The following CTNND2 variants were observed in gnomAD, a reference collection of about 807,000 sequenced individuals.
CTNND2 encodes catenin delta 2, also known as catenin delta-2.
A neutral mutation model predicts 144.4 loss-of-function variants in CTNND2; 22 were observed. The ratio of observed to expected loss-of-function variants is 0.15; its 90% CI spans 0.11 to 0.22. The LOEUF is 0.22. Among genes scored for constraint, CTNND2 ranks in the 10% least tolerant of loss-of-function variants. The pLI is 1.00. For synonymous variants in CTNND2, 751 were observed against 695.6 expected, an observed-to-expected ratio of 1.08 and a Z score of -1.25; for missense variants, 1,353 against 1,618.8, an observed-to-expected ratio of 0.84 and a Z score of 2.82.
At chr5:11,298,239 C>T (rs2521739) in intron 9 of CTNND2, among the ~76,000 whole-genome samples, 73,693 of 151,962 alleles carry the variant, frequency 0.48, 18,201 homozygotes, top group African/African-American at 0.55. Context: ...GGCACAATCA[C>T]AGCTCACTGC....
At chr5:11,829,242 C>T (rs953629849) in intron 1 of CTNND2, among the ~76,000 whole-genome samples, 2 of 152,168 alleles carry the variant, frequency 1.3e-5, no homozygotes, top group African/African-American at 2.4e-5. Flanking sequence ...GAAAAGAAAT[C>T]CAAGCTTCTG....
At chr5:11,738,426 T>G (rs550153622) in intron 1 of CTNND2, among the ~76,000 whole-genome samples, 52 of 152,314 alleles carry the variant, frequency 3.4e-4, no homozygotes, top group Non-Finnish European at 5.9e-4. Context: ...TCCAAATGAA[T>G]AGTCTAAACT....
chr5:11,039,932 C>T (rs533768310), intron 16 of CTNND2, among the ~76,000 whole-genome samples: 9 of 152,122 alleles, frequency 5.9e-5, no homozygotes, highest in Admixed American at 3.3e-4. Flanking sequence ...CATGGTGACA[C>T]GTGCCTGTAG....
chr5:11,378,102 G>T (rs985246239), intron 7 of CTNND2, among the ~76,000 whole-genome samples: 6 of 152,156 alleles, frequency 3.9e-5, no homozygotes, highest in African/African-American at 1.4e-4. Flanking sequence ...CTATAACATG[G>T]GGTCCTGGAA....
chr5:11,238,484 C>G (rs1284386376), intron 9 of CTNND2, among the ~76,000 whole-genome samples: 2 of 152,186 alleles, frequency 1.3e-5, no homozygotes, highest in Non-Finnish European at 2.9e-5. Flanking sequence ...ATTTTAACCT[C>G]TTCTCTTTAT....
intron 1 of CTNND2, among the ~76,000 whole-genome samples, chr5:11,735,335 C>T (rs1160039883): frequency 6.6e-6 from 1 of 151,996 alleles, no homozygotes; most frequent in African/African-American, 2.4e-5. Context: ...AATGTTGTGC[C>T]CAGATAAAGA....
intron 2 of CTNND2, among the ~76,000 whole-genome samples, chr5:11,645,147 C>A (rs1782280650): frequency 6.6e-6 from 1 of 151,830 alleles, no homozygotes; most frequent in Admixed American, 6.6e-5. Flanking sequence ...TTAACTTTTT[C>A]TAGAGACGGG....
intron 3 of CTNND2, among the ~76,000 whole-genome samples, chr5:11,422,190 G>A (rs1762422480): frequency 6.6e-6 from 1 of 151,374 alleles, no homozygotes; most frequent in African/African-American, 2.4e-5. Context: ...TAAGTTACAG[G>A]CTCTGTAGAA....
At chr5:11,634,923 G>C (rs186715872) in intron 2 of CTNND2, among the ~76,000 whole-genome samples, 8 of 152,038 alleles carry the variant, frequency 5.3e-5, no homozygotes, top group Admixed American at 5.2e-4. Flanking sequence ...CTGGAGATTA[G>C]GAACCTTTAG....
At chr5:11,576,278 T>C (rs1355729877) in intron 2 of CTNND2, among the ~76,000 whole-genome samples, 2 of 152,012 alleles carry the variant, frequency 1.3e-5, no homozygotes, top group Non-Finnish European at 2.9e-5. Flanking sequence ...AAATAACAAA[T>C]GTGATTATGT....
chr5:10,996,425 C>T (rs368376203), intron 18 of CTNND2, among the ~76,000 whole-genome samples: 8 of 140,464 alleles, frequency 5.7e-5, no homozygotes, highest in East Asian at 4.3e-4. Flanking sequence ...GCAAGAAAGA[C>T]GACTGCTCCA....
chr5:11,557,545 TTG>T (rs1158409738), intron 3 of CTNND2, among the ~76,000 whole-genome samples: 2 of 152,160 alleles, frequency 1.3e-5, no homozygotes, highest in African/African-American at 4.8e-5. Context: ...ATAATTTATC[TTG>T]TGTCAAAACT....
At chr5:11,442,829 ATAT>A (rs1764388779) in intron 3 of CTNND2, among the ~76,000 whole-genome samples, 1 of 124,306 alleles carries the variant, frequency 8.0e-6, no homozygotes, top group African/African-American at 3.0e-5. Flanking sequence ...TATAATGATT[ATAT>A]TATAATTTTA....
chr5:11,687,419 G>T (rs1241661809), intron 2 of CTNND2, among the ~76,000 whole-genome samples: 5 of 152,170 alleles, frequency 3.3e-5, no homozygotes, highest in African/African-American at 1.2e-4. Flanking sequence ...AGATTCTAGG[G>T]TATGGATTAA....
chr5:11,897,010 C>G (rs1430822470), intron 1 of CTNND2, among the ~76,000 whole-genome samples: 1 of 152,140 alleles, frequency 6.6e-6, no homozygotes, highest in Non-Finnish European at 1.5e-5. Context: ...CTTCCATGTC[C>G]TGGGTTAATG....
chr5:11,903,732 G>C lies in CTNND2; in HGVS notation c.37+85C>G, dbSNP rs546207665. Reference sequence around the variant, plus strand: ...CGCCGCCTGCCGGCCGGGAGCCCAGGACCACCCCCACCAGCGGCAAGAGGA... The same window carrying C: ...CGCCGCCTGCCGGCCGGGAGCCCAGCACCACCCCCACCAGCGGCAAGAGGA... On this transcript the variant is annotated intron_variant, in intron 1 of 21. Transcript: ENST00000304623. The surrounding 1 kb of genome is among the most constrained non-coding windows in gnomAD (Gnocchi z 5.4). 3.4e-4 allele frequency: 467 copies of C among 1,370,574 alleles called. 3 individuals carry two copies. In the East Asian group the frequency reaches 6.7e-3, roughly 20 times the overall value. The allele number at this position is 1,370,574 out of a possible 1,614,324, so 84.9% of individuals were successfully genotyped here.
chr5:11,223,939 G>A (rs1159929594), intron 10 of CTNND2, among the ~76,000 whole-genome samples: 1 of 152,186 alleles, frequency 6.6e-6, no homozygotes, highest in Non-Finnish European at 1.5e-5. Context: ...GCATATGGCA[G>A]CTAGTAGCAG....
chr5:11,190,277 G>C (rs541445081), intron 11 of CTNND2, among the ~76,000 whole-genome samples: 8 of 152,342 alleles, frequency 5.3e-5, no homozygotes, highest in Non-Finnish European at 8.8e-5. Context: ...CTGAGAGGTA[G>C]AGGAACTTGT....
chr5:11,831,885 T>C (rs1311635754), intron 1 of CTNND2, among the ~76,000 whole-genome samples: 1 of 152,156 alleles, frequency 6.6e-6, no homozygotes, highest in Admixed American at 6.5e-5. Context: ...AAAGTTAATA[T>C]GTACGAGTTC....
Sources: allele counts gnomAD v4.1 joint callset (sites outside exome capture counted in the v4.1 genomes callset), GRCh38; gene constraint gnomAD v4.1.1; non-coding constraint Gnocchi (gnomAD v3.1); transcripts MANE v1.5; gene names NCBI Gene and HGNC (gene_info 2026-07-23, HGNC 2026-07-21).